Variants in PCBP3 observed in about 807,000 individuals in gnomAD.
PCBP3 encodes poly(rC)-binding protein 3.
In PCBP3, 25 loss-of-function variants were observed where a neutral mutation model predicts 52.7. The observed-to-expected ratio is 0.47, with a 90% CI of 0.35 to 0.66. The LOEUF (loss-of-function observed/expected upper bound fraction) is 0.66. Among genes scored for constraint, PCBP3 ranks in the 30% least tolerant of loss-of-function variants. PCBP3 has a pLI of 0.01. For synonymous variants in PCBP3, 162 were observed against 183.0 expected (o/e 0.89, Z 0.93); for missense variants, 391 against 490.3 (o/e 0.80, Z 1.91).
intron 4 of PCBP3, among the ~76,000 whole-genome samples, chr21:45,793,489 G>C (rs1569230078): frequency 6.6e-6 from 1 of 152,092 alleles, no homozygotes; most frequent in Non-Finnish European, 1.5e-5. Flanking sequence ...AGGAGTCTGA[G>C]GACCAGGAAA....
rs3746991 is a variant in PCBP3, at chr21:45,933,748, C to A, written c.857-1505C>A. 2.7e-3 allele frequency among the ~76,000 whole-genome samples: 418 copies of A among 152,156 alleles called. 4 individuals carry two copies. Among genetic ancestry groups the A allele is most frequent in the African/African-American group, 9.6e-3 (397 of 41,498 alleles). ...GATCCCCTCCTGTGCTGGACGGTCC[C>A]ACAGGACCACGTCTGCCCTGTGGGG... On this transcript the variant is annotated intron_variant, in intron 15 of 17. Transcript: ENST00000681687.
chr21:45,895,601 A>G (rs2095803659), intron 5 of PCBP3, among the ~76,000 whole-genome samples: 1 of 152,262 alleles, frequency 6.6e-6, no homozygotes, highest in African/African-American at 2.4e-5. Context: ...ATGATGGCAC[A>G]CAGTAGTGAC....
At chr21:45,653,561 T>C (rs1396327420) in intron 1 of PCBP3, among the ~76,000 whole-genome samples, 1 of 152,176 alleles carries the variant, frequency 6.6e-6, no homozygotes, top group Non-Finnish European at 1.5e-5. Flanking sequence ...CTAGATGTTT[T>C]AGGCTCATAT....
intron 5 of PCBP3, among the ~76,000 whole-genome samples, chr21:45,879,904 GAAAAC>G (rs754405713): frequency 2.0e-5 from 3 of 151,704 alleles, no homozygotes; most frequent in African/African-American, 7.3e-5. Flanking sequence ...TTTAAAAAAA[GAAAAC>G]AAAACAAGCA....
rs1181386750 is a variant in PCBP3, at chr21:45,736,908, G to A, written c.-162+1479G>A. 6.6e-6 allele frequency among the ~76,000 whole-genome samples: 1 copy of A among 152,164 alleles called. No homozygotes were observed. The highest frequency in any genetic ancestry group is 2.4e-5 in the African/African-American group (1 of 41,432). ...TGGAGGAAACAGGGAAGGGCAGGGT[G>A]TGGGAGTCCTGGTGCTGTGTGAATA... On this transcript the variant is annotated intron_variant, in intron 3 of 17. Coordinates refer to ENST00000681687, the MANE Select transcript of PCBP3 (RefSeq NM_001384156.1). This position sits in a 1 kb window ranked among gnomAD's most constrained non-coding sequence, Gnocchi z 4.6.
chr21:45,655,798 TAAAC>T (rs1453609217), intron 1 of PCBP3, among the ~76,000 whole-genome samples: 6 of 151,794 alleles, frequency 4.0e-5, no homozygotes, highest in Admixed American at 3.9e-4. Flanking sequence ...ACAAAGTACT[TAAAC>T]AAATTTTCAA....
In PCBP3 at chr21:45,744,221, A is replaced by AT. The variant is rs1300037165; in HGVS notation, c.-162+8799dup. On this transcript the variant is annotated intron_variant, in intron 3 of 17. Coordinates refer to ENST00000681687, the MANE Select transcript of PCBP3 (RefSeq NM_001384156.1). ...ACTTAATTTAATTTTTCTTTTTATT[A>AT]TTTTTTTAGAGACAGAGCCACACTC... 5.3e-5 allele frequency: 8 copies of AT among 151,540 alleles called. No individual in the cohort carries two copies. The East Asian group carries it at 7.7e-4, about 15-fold the overall frequency. The allele number at this position is 151,540 out of a possible 1,614,324, so 9.4% of individuals were successfully genotyped here.
At chr21:45,740,862 T>C (rs1026966299) in intron 3 of PCBP3, among the ~76,000 whole-genome samples, 2 of 152,154 alleles carry the variant, frequency 1.3e-5, no homozygotes, top group Non-Finnish European at 2.9e-5. Context: ...GTCTTGGGAA[T>C]GGCGTTACTG....
intron 13 of PCBP3, among the ~76,000 whole-genome samples, chr21:45,922,763 C>T (rs543213950): frequency 1.6e-4 from 25 of 152,344 alleles, no homozygotes; most frequent in Admixed American, 6.5e-4. Flanking sequence ...ATCTCAGGAC[C>T]GTGGGGCCAG....
chr21:45,821,429 C>T lies in PCBP3; in HGVS notation c.-125-28532C>T, dbSNP rs1175512019. On this transcript the variant is annotated intron_variant, in intron 4 of 17. Coordinates refer to ENST00000681687, the MANE Select transcript of PCBP3 (RefSeq NM_001384156.1). The surrounding 1 kb of genome is among the most constrained non-coding windows in gnomAD (Gnocchi z 4.4). ...TTTCTACAACACTCTTCCCCCTGCA[C>T]CGTGCTGTGGGCCCCGCACCTTCCC... Among the ~76,000 whole-genome samples the T allele has an allele frequency of 6.7e-6, 1 of 149,748 alleles. No individual in the cohort carries two copies. Among genetic ancestry groups the T allele is most frequent in the Non-Finnish European group, 1.5e-5 (1 of 67,286 alleles).
rs750034726 is a variant in PCBP3, at chr21:45,741,142, G to A, written c.-162+5713G>A. On this transcript the variant is annotated intron_variant, in intron 3 of 17. Transcript: ENST00000681687. The surrounding 1 kb of genome is among the most constrained non-coding windows in gnomAD (Gnocchi z 4.5). Reference sequence around the variant, plus strand: ...AGGGAGGGAAAGGAGCCACTTGGTGGGTGAGGAAGCTGGACGCTGGGGCCC... The same window carrying A: ...AGGGAGGGAAAGGAGCCACTTGGTGAGTGAGGAAGCTGGACGCTGGGGCCC... 2.4e-4 allele frequency among the ~76,000 whole-genome samples: 36 copies of A among 152,202 alleles called. No individual in the cohort carries two copies. Among genetic ancestry groups the A allele is most frequent in the Non-Finnish European group, 3.7e-4 (25 of 68,028 alleles).
chr21:45,840,356 C>T (rs529401367), intron 4 of PCBP3, among the ~76,000 whole-genome samples: 38 of 150,098 alleles, frequency 2.5e-4, no homozygotes, highest in African/African-American at 8.4e-4. Flanking sequence ...ACTCAGGAGG[C>T]TGAGGCAGGA....
intron 5 of PCBP3, among the ~76,000 whole-genome samples, chr21:45,858,177 C>T (rs920001758): frequency 1.3e-5 from 2 of 152,198 alleles, no homozygotes; most frequent in Non-Finnish European, 1.5e-5. Flanking sequence ...TGAGGACTCG[C>T]CAGGGAGAGA....
chr21:45,923,672 G>A (rs140344863), intron 13 of PCBP3, among the ~76,000 whole-genome samples: 539 of 152,344 alleles, frequency 3.5e-3, no homozygotes, highest in Non-Finnish European at 6.3e-3. Context: ...ATGGAATGGA[G>A]AGAGAAAATT....
intron 4 of PCBP3, among the ~76,000 whole-genome samples, chr21:45,833,400 G>C (rs1157140142): frequency 1.3e-5 from 2 of 152,144 alleles, no homozygotes; most frequent in Non-Finnish European, 2.9e-5. Flanking sequence ...TTGCTTCCCA[G>C]GCCTCACAAC....
chr21:45,669,799 GTGTGTGTATATATATATATATATATA>G lies in PCBP3; in HGVS notation c.-200+849_-200+874del, dbSNP rs1033004684. Among the ~76,000 whole-genome samples, 216 of 88,214 alleles carry G rather than the reference GTGTGTGTATATATATATATATATATA, an allele frequency of 2.4e-3. 5 individuals are homozygous for G. The highest frequency in any genetic ancestry group is 7.9e-3 in the African/African-American group (208 of 26,362). The allele number at this position is 88,214 out of a possible 152,430, so 57.9% of individuals were successfully genotyped here. ...GAATAATATTCCATTGTGTGTGTGT[GTGTGTGTATATATATATATATATATA>G]TATATATATATATATATATATCACA... is the stretch of plus-strand genomic sequence containing the variant. On this transcript the variant is annotated intron_variant, in intron 2 of 17. Coordinates refer to ENST00000681687, the MANE Select transcript of PCBP3 (RefSeq NM_001384156.1).
chr21:45,845,066 C>T (rs1047308443), intron 4 of PCBP3, among the ~76,000 whole-genome samples: 1 of 152,118 alleles, frequency 6.6e-6, no homozygotes, highest in Admixed American at 6.5e-5. Context: ...AAACTGTTCT[C>T]CCTAAAAGGA....
chr21:45,739,130 TTCA>T (rs2145956456), intron 3 of PCBP3, among the ~76,000 whole-genome samples: 3 of 100,598 alleles, frequency 3.0e-5, no homozygotes, highest in African/African-American at 4.0e-5. Flanking sequence ...CCCCCCCATC[TTCA>T]TCAGCCCACC....
chr21:45,929,938 T>A lies in PCBP3; in HGVS notation c.739T>A (p.Leu247Met), dbSNP rs367804776. 6.2e-7 allele frequency: 1 copy of A among 1,613,884 alleles called. No homozygotes were observed. Among genetic ancestry groups the A allele is most frequent in the East Asian group, 2.2e-5 (1 of 44,886 alleles). ...HPDQLTKLHQ[L>M]AMQQTPFPPL... ...CCAGCAGTTGACCAAGCTCCACCAGTTGGCCATGCAGCAAACCCCCTTTCC... is the reference window on the plus strand; with the variant it reads ...CCAGCAGTTGACCAAGCTCCACCAGATGGCCATGCAGCAAACCCCCTTTCC... Residue 247 changes from leucine to methionine, a missense_variant, in exon 14 of 18, where the codon TTG becomes ATG. Physicochemically the swap from Leu to Met is conservative, Grantham distance 15. Transcript: ENST00000681687.
Sources: gnomAD v4.1 joint callset for allele counts (sites outside exome capture counted in the v4.1 genomes callset) on GRCh38, gnomAD v4.1.1 for gene constraint, Gnocchi (gnomAD v3.1) non-coding constraint, MANE v1.5 for transcripts, NCBI Gene and HGNC (gene_info 2026-07-23, HGNC 2026-07-21) for gene names.